Variants in MRAS observed in about 807,000 individuals in gnomAD.
The protein encoded by MRAS is muscle RAS oncogene homolog, also known as ras-related protein M-Ras.
A neutral mutation model predicts 20.9 loss-of-function variants in MRAS; 4 were observed. The ratio of observed to expected loss-of-function variants is 0.19; its 90% CI spans 0.09 to 0.44. MRAS has a LOEUF of 0.44. MRAS is among the 20% of genes least tolerant of loss of function. The probability of loss-of-function intolerance (pLI) is 0.99; values close to 1 mark genes in which losing one functional copy is unlikely to be tolerated. For synonymous variants in MRAS, 98 were observed against 102.9 expected (o/e 0.95, Z 0.29); for missense variants, 154 against 277.5 (o/e 0.56, Z 3.16).
rs1228732016 is a variant in MRAS, at chr3:138,398,531, C to A, written c.410C>A (p.Thr137Asn). ...GATTTGATGCACTTGAGGAAGATCA[C>A]CAGGGAGCAAGGAAAAGAAATGGCG... ...KVDLMHLRKI[T>N]REQGKEMATK... The change falls in exon 4 of 6, where the codon ACC becomes AAC. Residue 137 changes from threonine to asparagine, a missense_variant. Physicochemically the swap from Thr to Asn is moderately conservative, Grantham distance 65. Around this residue, in one of 3 missense-constraint regions of MRAS, gnomAD observed 125 missense variants for 213.5 expected, o/e 0.59. Coordinates refer to ENST00000423968, the MANE Select transcript of MRAS (RefSeq NM_001085049.3). The A allele has an allele frequency of 1.9e-6, 3 of 1,614,088 alleles. No individual in the cohort carries two copies. Among genetic ancestry groups the A allele is most frequent in the Middle Eastern group, 1.6e-4 (1 of 6,062 alleles).
intron 1 of MRAS, among the ~76,000 whole-genome samples, chr3:138,351,885 G>A (rs1006781787): frequency 6.6e-6 from 1 of 152,116 alleles, no homozygotes; most frequent in African/African-American, 2.4e-5. Flanking sequence ...TATAATTCAG[G>A]GGATTCATGG....
intron 1 of MRAS, among the ~76,000 whole-genome samples, chr3:138,364,820 C>T (rs759596646): frequency 2.0e-5 from 3 of 152,202 alleles, no homozygotes; most frequent in Non-Finnish European, 4.4e-5. Context: ...AGCATTTGCC[C>T]TGGTTGCCCC....
At chr3:138,350,928 G>A (rs1457208237) in intron 1 of MRAS, among the ~76,000 whole-genome samples, 1 of 135,532 alleles carries the variant, frequency 7.4e-6, no homozygotes, top group Non-Finnish European at 1.5e-5. Flanking sequence ...GGGTGACAGA[G>A]CAAGACCCTG....
chr3:138,366,067 G>C (rs1217457075), intron 1 of MRAS, among the ~76,000 whole-genome samples: 4 of 152,240 alleles, frequency 2.6e-5, no homozygotes, highest in African/African-American at 7.2e-5. Context: ...GGGGAGCGGA[G>C]AGTGAAGCCT....
chr3:138,355,804 G>T (rs1296386882), intron 1 of MRAS, among the ~76,000 whole-genome samples: 1 of 152,204 alleles, frequency 6.6e-6, no homozygotes, highest in Non-Finnish European at 1.5e-5. Flanking sequence ...GGTGGTGTGT[G>T]CCTGTAGTCT....
intron 4 of MRAS, among the ~76,000 whole-genome samples, chr3:138,399,906 C>T (rs1362753229): frequency 6.6e-6 from 1 of 152,220 alleles, no homozygotes; most frequent in Non-Finnish European, 1.5e-5. Flanking sequence ...CTCTGTGGGG[C>T]CACCACAGTC....
At chr3:138,357,950 A>G (rs2054368420) in intron 1 of MRAS, among the ~76,000 whole-genome samples, 1 of 152,210 alleles carries the variant, frequency 6.6e-6, no homozygotes, top group African/African-American at 2.4e-5. Context: ...ACTTTCCCCC[A>G]GACCTTCTGA....
intron 5 of MRAS, among the ~76,000 whole-genome samples, chr3:138,401,094 C>G (rs577978697): frequency 3.0e-4 from 46 of 152,348 alleles, no homozygotes; most frequent in African/African-American, 1.1e-3. Flanking sequence ...CACCAGCTGT[C>G]AATCTCCAAG....
At chr3:138,374,163 A>G (rs562675958) in intron 2 of MRAS, among the ~76,000 whole-genome samples, 168 of 151,930 alleles carry the variant, frequency 1.1e-3, no homozygotes, top group African/African-American at 3.7e-3. Flanking sequence ...GGGTTTCACC[A>G]TGTTGGCCAG....
intron 2 of MRAS, among the ~76,000 whole-genome samples, chr3:138,385,433 C>T (rs2108540855): frequency 6.6e-6 from 1 of 151,066 alleles, no homozygotes; most frequent in Non-Finnish European, 1.5e-5. Context: ...AGGAATGAAC[C>T]ACTGTACCCA....
chr3:138,401,389 A>T (rs1403342836), intron 5 of MRAS, among the ~76,000 whole-genome samples: 1 of 152,156 alleles, frequency 6.6e-6, no homozygotes, highest in East Asian at 1.9e-4. Context: ...ACATGCCCCC[A>T]CATGCTCAAA....
intron 2 of MRAS, among the ~76,000 whole-genome samples, chr3:138,373,596 T>C (rs1379965927): frequency 6.6e-6 from 1 of 152,218 alleles, no homozygotes; most frequent in Non-Finnish European, 1.5e-5. Context: ...AGGCCCATAC[T>C]GATTTGGAAA....
intron 2 of MRAS, among the ~76,000 whole-genome samples, chr3:138,384,444 G>A (rs753944188): frequency 2.6e-5 from 4 of 152,278 alleles, no homozygotes; most frequent in African/African-American, 7.2e-5. Context: ...AGGATTTGTC[G>A]ATGGAGTATT....
intron 1 of MRAS, among the ~76,000 whole-genome samples, chr3:138,353,433 C>T (rs2054268470): frequency 6.6e-6 from 1 of 152,096 alleles, no homozygotes. Flanking sequence ...TTTGACTTCA[C>T]CTGGACCCTT....
At chr3:138,381,964 T>C (rs1443882929) in intron 2 of MRAS, among the ~76,000 whole-genome samples, 4 of 151,970 alleles carry the variant, frequency 2.6e-5, no homozygotes, top group Admixed American at 6.6e-5. Context: ...CAGGGGGCTT[T>C]ATGCTCAGCA....
At chr3:138,397,205 G>A (rs1028428904) in intron 2 of MRAS, 119 bp from the exon 3 acceptor site, 10 of 1,217,942 alleles carry the variant, frequency 8.2e-6, no homozygotes, top group Admixed American at 4.6e-5. Context: ...AGCCTCTCAC[G>A]GGACAGCTCG....
At chr3:138,365,335 G>A (rs1211137960) in intron 1 of MRAS, among the ~76,000 whole-genome samples, 3 of 152,162 alleles carry the variant, frequency 2.0e-5, no homozygotes, top group Non-Finnish European at 2.9e-5. Flanking sequence ...AGATGGCTCC[G>A]CCCTGAGTCC....
intron 1 of MRAS, among the ~76,000 whole-genome samples, chr3:138,364,627 G>C (rs2054523312): frequency 6.6e-6 from 1 of 152,166 alleles, no homozygotes; most frequent in South Asian, 2.1e-4. Context: ...CCCATATAGG[G>C]GATAGGGTCC....
At chr3:138,365,886 G>A (rs1227650318) in intron 1 of MRAS, among the ~76,000 whole-genome samples, 1 of 152,202 alleles carries the variant, frequency 6.6e-6, no homozygotes. Flanking sequence ...TTGCCCTTGA[G>A]ACTTGATGTT....
Sources: allele counts gnomAD v4.1 joint callset (sites outside exome capture counted in the v4.1 genomes callset), GRCh38; gene constraint gnomAD v4.1.1; regional missense constraint gnomAD v4.1.1; transcripts MANE v1.5; gene names NCBI Gene and HGNC (gene_info 2026-07-23, HGNC 2026-07-21).